Variants in GALNT17 observed in about 807,000 individuals in gnomAD.
The protein encoded by GALNT17 is UDP-GalNAc:polypeptide N-acetylgalactosaminyltransferase-like 3.
In GALNT17, 29 loss-of-function variants were observed where a neutral mutation model predicts 63.7. That is an observed-to-expected ratio of 0.46 (90% CI 0.34 to 0.62). GALNT17 has a LOEUF of 0.62. Among genes scored for constraint, GALNT17 ranks in the 20% least tolerant of loss-of-function variants. The pLI, the probability that GALNT17 is intolerant of heterozygous loss-of-function variation, is 0.01. For missense variants in GALNT17, 603 were observed against 799.6 expected (o/e 0.75, Z 2.97); for synonymous variants, 305 against 318.3 (o/e 0.96, Z 0.45).
At chr7:71,387,397 C>T (rs1021680724) in intron 2 of GALNT17, among the ~76,000 whole-genome samples, 7 of 151,702 alleles carry the variant, frequency 4.6e-5, no homozygotes, top group African/African-American at 1.7e-4. Context: ...ATGATCATAG[C>T]TCATGGTAGC....
At chr7:71,221,205 C>T (rs897893705) in intron 1 of GALNT17, among the ~76,000 whole-genome samples, 12 of 152,128 alleles carry the variant, frequency 7.9e-5, no homozygotes, top group Admixed American at 2.0e-4. Flanking sequence ...CAGGGGTGGA[C>T]TATGGAGGAC....
At chr7:71,494,706 A>C (rs1472720534) in intron 5 of GALNT17, among the ~76,000 whole-genome samples, 1 of 151,996 alleles carries the variant, frequency 6.6e-6, no homozygotes, top group Non-Finnish European at 1.5e-5. Flanking sequence ...GTCTGTTCTC[A>C]TACTGCTAAT....
chr7:71,656,404 G>A (rs7789424), intron 6 of GALNT17, among the ~76,000 whole-genome samples: 137,768 of 151,878 alleles, frequency 0.91, 63,999 homozygotes, highest in South Asian at 1. Flanking sequence ...GGGCACAGGG[G>A]AGGACAAAAG....
intron 3 of GALNT17, among the ~76,000 whole-genome samples, chr7:71,394,899 C>T (rs963199109): frequency 2.0e-5 from 3 of 152,042 alleles, no homozygotes; most frequent in Admixed American, 6.6e-5. Flanking sequence ...GTCAGGAGTT[C>T]GAGACCAGCC....
intron 6 of GALNT17, among the ~76,000 whole-genome samples, chr7:71,621,075 C>A (rs1790282056): frequency 2.0e-5 from 3 of 152,148 alleles, no homozygotes; most frequent in Admixed American, 2.0e-4. Flanking sequence ...AGGCTTAAGT[C>A]ATGTATTCAA....
chr7:71,270,359 T>TA (rs1224736508), intron 1 of GALNT17, among the ~76,000 whole-genome samples: 2 of 151,578 alleles, frequency 1.3e-5, no homozygotes, highest in African/African-American at 4.8e-5. Flanking sequence ...CCGTCTCTAC[T>TA]AAAAAAATAA....
intron 5 of GALNT17, among the ~76,000 whole-genome samples, chr7:71,430,389 T>A (rs960192818): frequency 6.6e-6 from 1 of 152,182 alleles, no homozygotes; most frequent in Non-Finnish European, 1.5e-5. Context: ...GAACTGCTGA[T>A]CTGTACACTT....
chr7:71,216,643 T>C (rs1051587964), intron 1 of GALNT17, among the ~76,000 whole-genome samples: 20 of 151,390 alleles, frequency 1.3e-4, no homozygotes, highest in Non-Finnish European at 2.2e-4. Context: ...TACATATATA[T>C]ACAGACATAC....
chr7:71,185,545 C>T (rs1202843054), intron 1 of GALNT17, among the ~76,000 whole-genome samples: 3 of 127,810 alleles, frequency 2.3e-5, no homozygotes, highest in South Asian at 2.6e-4. Context: ...TTTTTTGAGA[C>T]GGAGTCTGGC....
At chr7:71,573,795 C>G (rs1584061100) in intron 6 of GALNT17, among the ~76,000 whole-genome samples, 1 of 152,132 alleles carries the variant, frequency 6.6e-6, no homozygotes, top group Non-Finnish European at 1.5e-5. Context: ...AAGCATAGTA[C>G]CTGATAGGTA....
intron 5 of GALNT17, among the ~76,000 whole-genome samples, chr7:71,512,193 CAG>C (rs1469865285): frequency 6.6e-6 from 1 of 152,010 alleles, no homozygotes; most frequent in East Asian, 1.9e-4. Flanking sequence ...TTAGTAGAGA[CAG>C]GGTTTCACCT....
rs541011763 is a variant in GALNT17, at chr7:71,410,847, TC to T, written c.590-5037del. 4.3e-3 allele frequency among the ~76,000 whole-genome samples: 661 copies of T among 152,270 alleles called. 5 individuals carry two copies. The highest frequency in any genetic ancestry group is 7.9e-3 in the Non-Finnish European group (537 of 68,010). On this transcript the variant is annotated intron_variant, in intron 3 of 10. Coordinates refer to ENST00000333538, the MANE Select transcript of GALNT17 (RefSeq NM_022479.3). ...CCTGATCACAGGCAGTGTTCGCTTCTCCCCCTCAACCTCCTCAAATGCTGTT... is the reference window on the plus strand; with the variant it reads ...CCTGATCACAGGCAGTGTTCGCTTCTCCCCTCAACCTCCTCAAATGCTGTT...
chr7:71,681,111 G>T (rs953515007), intron 9 of GALNT17, among the ~76,000 whole-genome samples: 1 of 152,066 alleles, frequency 6.6e-6, no homozygotes, highest in Non-Finnish European at 1.5e-5. Context: ...GTGTTGCCTG[G>T]GCTTGTCTTG....
intron 1 of GALNT17, among the ~76,000 whole-genome samples, chr7:71,221,410 A>G (rs146611938): frequency 0.019 from 2,330 of 124,972 alleles, 23 homozygotes; most frequent in Middle Eastern, 0.028. Flanking sequence ...TTTTTTTCCA[A>G]CCCTACAACT....
chr7:71,550,740 T>G (rs955221409), intron 5 of GALNT17, among the ~76,000 whole-genome samples: 1 of 152,200 alleles, frequency 6.6e-6, no homozygotes, highest in East Asian at 1.9e-4. Flanking sequence ...TATCATGGAC[T>G]GTGCCAAAAT....
At chr7:71,523,165 C>A (rs757249511) in intron 5 of GALNT17, among the ~76,000 whole-genome samples, 1 of 152,166 alleles carries the variant, frequency 6.6e-6, no homozygotes, top group Non-Finnish European at 1.5e-5. Context: ...GTGGCTCATG[C>A]GTGTAATCCC....
chr7:71,548,848 C>T (rs1448511552), intron 5 of GALNT17, among the ~76,000 whole-genome samples: 1 of 152,222 alleles, frequency 6.6e-6, no homozygotes, highest in Non-Finnish European at 1.5e-5. Flanking sequence ...AATCCTGTTT[C>T]CATAGAGTCT....
chr7:71,291,301 C>T lies in GALNT17; in HGVS notation c.239-44249C>T, dbSNP rs538826538. On this transcript the variant is annotated intron_variant, in intron 1 of 10. Coordinates refer to ENST00000333538, the MANE Select transcript of GALNT17 (RefSeq NM_022479.3). ...TTTGTTCTGTGGATCTGTTTTTGAT[C>T]ATTTTATTAGAAACATTTAACTTTA... 2.6e-5 allele frequency among the ~76,000 whole-genome samples: 4 copies of T among 151,896 alleles called. No homozygotes were observed. In the South Asian group the frequency reaches 8.4e-4, roughly 32 times the overall value.
intron 6 of GALNT17, among the ~76,000 whole-genome samples, chr7:71,596,683 G>C (rs1238824083): frequency 6.6e-6 from 1 of 152,064 alleles, no homozygotes; most frequent in Non-Finnish European, 1.5e-5. Flanking sequence ...GCAGAAGCAA[G>C]GTCAGAGGTT....
Sources: allele counts gnomAD v4.1 joint callset (sites outside exome capture counted in the v4.1 genomes callset), GRCh38; gene constraint gnomAD v4.1.1; transcripts MANE v1.5; gene names NCBI Gene and HGNC (gene_info 2026-07-23, HGNC 2026-07-21).